The following ELMOD3 variants were observed in gnomAD, a reference collection of about 807,000 sequenced individuals.
ELMOD3 encodes ELMO domain containing 3.
In ELMOD3, 36 loss-of-function variants were observed where a neutral mutation model predicts 47.4. That is an observed-to-expected ratio of 0.76 (90% CI 0.58 to 1.00). The LOEUF (loss-of-function observed/expected upper bound fraction) is 1.00, where lower values mean the gene tolerates loss of function less well. Ranked by LOEUF, ELMOD3 falls within the 50% of genes least tolerant of loss-of-function variation. The probability of loss-of-function intolerance (pLI) is 0.00; values close to 1 mark genes in which losing one functional copy is unlikely to be tolerated. For synonymous variants in ELMOD3, 149 were observed against 183.5 expected, an observed-to-expected ratio of 0.81 and a Z score of 1.52; for missense variants, 404 against 463.8, an observed-to-expected ratio of 0.87 and a Z score of 1.18.
chr2:85,368,931 C>G (rs919720010), intron 7 of ELMOD3, among the ~76,000 whole-genome samples, 177 bp downstream of exon 7: 5 of 152,176 alleles, frequency 3.3e-5, no homozygotes, highest in African/African-American at 1.2e-4. Flanking sequence ...ATGATGACAT[C>G]CTACCTCTGG....
At chr2:85,369,431 G>A (rs1173424480) in intron 7 of ELMOD3, among the ~76,000 whole-genome samples, 1 of 152,190 alleles carries the variant, frequency 6.6e-6, no homozygotes, top group East Asian at 1.9e-4. Flanking sequence ...TCTTATGTGG[G>A]TACCCACCCC....
intron 4 of ELMOD3, among the ~76,000 whole-genome samples, chr2:85,359,492 C>T (rs1683793882): frequency 6.7e-6 from 1 of 149,980 alleles, no homozygotes; most frequent in Non-Finnish European, 1.5e-5. Flanking sequence ...ACTGCACCCT[C>T]CGCCTCCCAG....
At chr2:85,358,545 C>T (rs1002796065) in intron 4 of ELMOD3, among the ~76,000 whole-genome samples, 2 of 152,108 alleles carry the variant, frequency 1.3e-5, no homozygotes, top group African/African-American at 2.4e-5. Flanking sequence ...GTGTTGATTG[C>T]ATTACAGTGG....
chr2:85,382,116 CAAAAAA>C (rs59898267), intron 11 of ELMOD3, among the ~76,000 whole-genome samples: 3 of 39,886 alleles, frequency 7.5e-5, no homozygotes, highest in Non-Finnish European at 1.2e-4. Context: ...GACTCCTTCT[CAAAAAA>C]AAAAAAAAAA....
At chr2:85,389,895 A>G (rs1256177429) in intron 12 of ELMOD3, 68 bp downstream of exon 12, 22 of 1,454,664 alleles carry the variant, frequency 1.5e-5, no homozygotes, top group East Asian at 2.3e-5. Context: ...CTCTGGCTTA[A>G]TTTTCCCCAG....
chr2:85,359,996 C>T (rs1683834950), intron 4 of ELMOD3, among the ~76,000 whole-genome samples: 1 of 151,892 alleles, frequency 6.6e-6, no homozygotes, highest in Admixed American at 6.6e-5. Flanking sequence ...TCCCTTGAGC[C>T]AAGAAGTGAG....
Position 85,389,806 on chromosome 2 carries a change from T to C in ELMOD3, c.794T>C (p.Leu265Ser), listed in dbSNP as rs587777040. 3.1e-6 allele frequency: 5 copies of C among 1,614,076 alleles called. No individual in the cohort carries two copies. The South Asian group carries it at 4.4e-5, about 14-fold the overall frequency. ...ATCACCCACATTGCCATCCAGGCCT[T>C]GAGAGAGGAGTGTCTCTCCAGGTGA... ...VNITHIAIQA[L>S]REECLSRECN... The change falls in exon 12 of 14, where the codon TTG (leucine) becomes TCG (serine). Residue 265 changes from leucine to serine, a missense_variant. Coordinates refer to ENST00000409013, the MANE Select transcript of ELMOD3 (RefSeq NM_001135022.2).
intron 4 of ELMOD3, among the ~76,000 whole-genome samples, chr2:85,359,372 C>T (rs1683780085): frequency 6.7e-6 from 1 of 148,492 alleles, no homozygotes; most frequent in South Asian, 2.1e-4. Context: ...CTTTGATAAT[C>T]TGACTAATGA....
At chr2:85,365,066 C>T (rs1414568481) in intron 6 of ELMOD3, among the ~76,000 whole-genome samples, 1 of 148,992 alleles carries the variant, frequency 6.7e-6, no homozygotes, top group Non-Finnish European at 1.5e-5. Flanking sequence ...ACTTTGGCCT[C>T]TCAAAGTGCT....
chr2:85,360,597 C>T (rs1411754251), intron 4 of ELMOD3, among the ~76,000 whole-genome samples: 2 of 152,074 alleles, frequency 1.3e-5, no homozygotes, highest in Non-Finnish European at 2.9e-5. Context: ...TCAAGAGATC[C>T]TCCTGCCTTG....
Position 85,357,080 on chromosome 2 carries a change from G to A in ELMOD3, c.-119G>A. 1.5e-6 allele frequency: 1 copy of A among 670,368 alleles called. No homozygotes were observed. The highest frequency in any genetic ancestry group is 2.6e-6 in the Non-Finnish European group (1 of 386,040). The allele number at this position is 670,368 out of a possible 1,614,324, so 41.5% of individuals were successfully genotyped here. ...TACTCTTAGTCTGAGTGACTGCCAA[G>A]GAAGGCAAAGGTAGAGCAACTGGAT... On this transcript the variant is annotated 5_prime_UTR_variant, in exon 4 of 14. Coordinates refer to ENST00000409013, the MANE Select transcript of ELMOD3 (RefSeq NM_001135022.2).
At chr2:85,371,950 C>T (rs1684823907) in intron 10 of ELMOD3, 2 of 198,650 alleles carry the variant, frequency 1.0e-5, no homozygotes, top group South Asian at 1.7e-4. Context: ...GTAGGTGGAT[C>T]ACGAGGTCAA....
intron 10 of ELMOD3, among the ~76,000 whole-genome samples, chr2:85,375,594 A>G (rs1235280341): frequency 1.3e-5 from 2 of 152,086 alleles, no homozygotes; most frequent in African/African-American, 2.4e-5. Flanking sequence ...CATTTTTTCA[A>G]AGTGTATTTG....
chr2:85,371,134 C>T lies in ELMOD3; in HGVS notation c.409C>T (p.His137Tyr). ...AAGGACTGGGCTCGCCGCCCTCCGA[C>T]ACTACCTCTTCGGGCCTCCAAAGCT... ...IRRTGLAALR[H>Y]YLFGPPKLHQ... Residue 137 changes from histidine to tyrosine, a missense_variant, in exon 9 of 14, where the codon CAC (histidine) becomes TAC (tyrosine). By Grantham distance (83) the His-to-Tyr change is moderately conservative (BLOSUM62 2). Coordinates refer to ENST00000409013, the MANE Select transcript of ELMOD3 (RefSeq NM_001135022.2). 6.2e-7 allele frequency: 1 copy of T among 1,614,212 alleles called. No individual in the cohort carries two copies. The highest frequency in any genetic ancestry group is 1.1e-5 in the South Asian group (1 of 91,086).
At chr2:85,368,581 T>TAAA in intron 6 of ELMOD3, 105 bp from the exon 7 acceptor site, 4 of 908,122 alleles carry the variant, frequency 4.4e-6, no homozygotes, top group Non-Finnish European at 3.2e-6. Context: ...CCCCATCTCT[T>TAAA]AAAAAAAAAA....
chr2:85,367,964 G>C (rs1411229663), intron 6 of ELMOD3, among the ~76,000 whole-genome samples: 1 of 151,624 alleles, frequency 6.6e-6, no homozygotes, highest in Admixed American at 6.6e-5. Context: ...CCAGGCTGGA[G>C]TGCAGTGACA....
intron 8 of ELMOD3, among the ~76,000 whole-genome samples, chr2:85,370,046 G>A (rs968848225): frequency 2.0e-5 from 3 of 152,134 alleles, no homozygotes; most frequent in Non-Finnish European, 4.4e-5. Context: ...TCATTCAGGG[G>A]CCTGTATAGC....
chr2:85,374,936 C>T (rs990816793), intron 10 of ELMOD3, among the ~76,000 whole-genome samples: 1 of 152,004 alleles, frequency 6.6e-6, no homozygotes, highest in African/African-American at 2.4e-5. Flanking sequence ...TGGTGAAACC[C>T]CATCTCTACT....
rs778211804 is a variant in ELMOD3, at chr2:85,390,731, C to G, written c.944-29C>G. The G allele has an allele frequency of 6.5e-6, 10 of 1,548,668 alleles. No homozygotes were observed. In the African/African-American group the frequency reaches 8.2e-5, roughly 13 times the overall value. ...TGTGTCACCCAGAGCCCCCTCAAGC[C>G]TTCTGCTCCCCAATTCTCTCTGTTG... On this transcript the variant is annotated intron_variant, in intron 13 of 13. Coordinates refer to ENST00000409013, the MANE Select transcript of ELMOD3 (RefSeq NM_001135022.2).
Sources: allele counts gnomAD v4.1 joint callset (sites outside exome capture counted in the v4.1 genomes callset), GRCh38; gene constraint gnomAD v4.1.1; transcripts MANE v1.5; gene names NCBI Gene and HGNC (gene_info 2026-07-23, HGNC 2026-07-21).